CHN2: variants seen among roughly 807,000 people sequenced by gnomAD.
CHN2 encodes chimerin 2.
Under a neutral mutation model 56.3 loss-of-function variants are expected in CHN2, and 35 were observed. The ratio of observed to expected loss-of-function variants is 0.62; its 90% CI spans 0.47 to 0.82. The LOEUF (loss-of-function observed/expected upper bound fraction) is 0.82. Ranked by LOEUF, CHN2 falls within the 40% of genes least tolerant of loss-of-function variation. The probability of loss-of-function intolerance (pLI) is 0.00; values close to 1 mark genes in which losing one functional copy is unlikely to be tolerated. For missense variants in CHN2, 491 were observed against 580.5 expected, an observed-to-expected ratio of 0.85 and a Z score of 1.58; for synonymous variants, 210 against 212.8, an observed-to-expected ratio of 0.99 and a Z score of 0.12.
At chr7:29,460,385 C>G (rs1785076911) in intron 6 of CHN2, among the ~76,000 whole-genome samples, 1 of 152,178 alleles carries the variant, frequency 6.6e-6, no homozygotes, top group African/African-American at 2.4e-5. Context: ...CTTGCCATGC[C>G]CTGGATTCGT....
chr7:29,263,595 C>G (rs1789774695), intron 1 of CHN2, among the ~76,000 whole-genome samples: 1 of 151,916 alleles, frequency 6.6e-6, no homozygotes, highest in African/African-American at 2.4e-5. Context: ...GCGTCTCTGC[C>G]TCGCTGCCCA....
intron 1 of CHN2, among the ~76,000 whole-genome samples, chr7:29,215,823 T>C (rs1314142274): frequency 2.0e-5 from 3 of 152,096 alleles, no homozygotes; most frequent in East Asian, 3.8e-4. Flanking sequence ...AAGCGTTAGC[T>C]ACTATCTTTT....
At chr7:29,279,950 G>A (rs1467129188) in intron 1 of CHN2, among the ~76,000 whole-genome samples, 13 of 152,306 alleles carry the variant, frequency 8.5e-5, no homozygotes, top group African/African-American at 2.9e-4. Flanking sequence ...CTAGTAAGAG[G>A]CTGTTGTCAA....
intron 2 of CHN2, among the ~76,000 whole-genome samples, chr7:29,358,710 C>T (rs1247391393): frequency 8.6e-5 from 13 of 152,032 alleles, no homozygotes; most frequent in African/African-American, 3.1e-4. Flanking sequence ...GTGATCTGCC[C>T]GCCTCGGCCT....
intron 1 of CHN2, among the ~76,000 whole-genome samples, chr7:29,259,453 G>T (rs1390667701): frequency 6.6e-6 from 1 of 152,110 alleles, no homozygotes; most frequent in Non-Finnish European, 1.5e-5. Flanking sequence ...AAGAAGATTG[G>T]ATATTGGGTG....
At chr7:29,167,130 G>T (rs1006076005) in intron 2 of CHN2, among the ~76,000 whole-genome samples, 3 of 152,030 alleles carry the variant, frequency 2.0e-5, no homozygotes, top group African/African-American at 7.2e-5. Flanking sequence ...TCCCTACCTT[G>T]ATACACTCAA....
At chr7:29,271,345 G>A (rs755128519) in intron 1 of CHN2, among the ~76,000 whole-genome samples, 8 of 152,318 alleles carry the variant, frequency 5.3e-5, no homozygotes, top group Non-Finnish European at 1.0e-4. Flanking sequence ...ATGATTAAAC[G>A]TATTTTCACT....
At position 29,415,671 on chromosome 7, in the gene CHN2, A is replaced by G. The variant is rs75133234; in HGVS notation, c.576+14843A>G. Among the ~76,000 whole-genome samples, 7 of 152,268 alleles carry G rather than the reference A, an allele frequency of 4.6e-5. No individual in the cohort carries two copies. The East Asian group carries it at 1.4e-3, about 30-fold the overall frequency. ...TGGGCGGGCTTGGGAAGGGCCACAT[A>G]AAGTAGTCTCCAAAGTGTGGATCTT... On this transcript the variant is annotated intron_variant, in intron 6 of 12. Transcript: ENST00000222792.
intron 1 of CHN2, among the ~76,000 whole-genome samples, chr7:29,195,760 G>A (rs570108372): frequency 6.6e-6 from 1 of 152,060 alleles, no homozygotes; most frequent in Non-Finnish European, 1.5e-5. Context: ...GCAAAGGGAA[G>A]GCTTCTTTCA....
chr7:29,496,787 T>C (rs1789345244), intron 8 of CHN2, among the ~76,000 whole-genome samples: 1 of 152,250 alleles, frequency 6.6e-6, no homozygotes, highest in African/African-American at 2.4e-5. Flanking sequence ...TGATAAATGA[T>C]ACAAATTAAT....
chr7:29,149,972 T>G (rs528458971), intron 2 of CHN2, among the ~76,000 whole-genome samples: 4 of 152,242 alleles, frequency 2.6e-5, no homozygotes, highest in Non-Finnish European at 5.9e-5. Flanking sequence ...ACTTCACTGC[T>G]GCAATAGATA....
chr7:29,159,110 C>T (rs1333907717), intron 2 of CHN2, among the ~76,000 whole-genome samples: 1 of 152,172 alleles, frequency 6.6e-6, no homozygotes, highest in South Asian at 2.1e-4. Flanking sequence ...TCCTAATGGG[C>T]TACACAGCAC....
chr7:29,255,602 A>G (rs756723799), intron 1 of CHN2, among the ~76,000 whole-genome samples: 6 of 152,220 alleles, frequency 3.9e-5, no homozygotes, highest in Non-Finnish European at 7.3e-5. Context: ...GATACAGGCA[A>G]TGGGACAACT....
intron 1 of CHN2, among the ~76,000 whole-genome samples, chr7:29,335,433 A>G (rs1796542196): frequency 6.6e-6 from 1 of 152,238 alleles, no homozygotes; most frequent in Non-Finnish European, 1.5e-5. Flanking sequence ...GAAGCTGTGG[A>G]CATAGGAAGC....
At chr7:29,308,568 G>A (rs564383099) in intron 1 of CHN2, among the ~76,000 whole-genome samples, 28 of 152,178 alleles carry the variant, frequency 1.8e-4, no homozygotes, top group African/African-American at 6.7e-4. Context: ...GTGCCTTCTC[G>A]GAATCCTTAG....
intron 1 of CHN2, among the ~76,000 whole-genome samples, chr7:29,349,962 G>T (rs115661449): frequency 2.0e-5 from 3 of 152,146 alleles, no homozygotes; most frequent in Admixed American, 6.5e-5. Flanking sequence ...TGCAATGCGT[G>T]TGTGTGCACA....
rs1791750186 is a variant in CHN2 at position 29,513,735 on chromosome 7, A to T, written c.*1000A>T. The T allele has an allele frequency of 6.6e-6, 1 of 152,572 alleles. No homozygotes were observed. The highest frequency in any genetic ancestry group is 1.5e-5 in the Non-Finnish European group (1 of 67,980). The allele number at this position is 152,572 out of a possible 1,614,324, so 9.5% of individuals were successfully genotyped here. On this transcript the variant is annotated 3_prime_UTR_variant, in exon 13 of 13. Coordinates refer to ENST00000222792, the MANE Select transcript of CHN2 (RefSeq NM_004067.4). ...TGCAGAATAACTGTCAACGTTTTTC[A>T]TTCTTGTTTTACAAACCTATTTTTT...
chr7:29,483,878 C>T, intron 7 of CHN2: 1 of 1,302,590 alleles, frequency 7.7e-7, no homozygotes, highest in Non-Finnish European at 1.0e-6. Flanking sequence ...TTCCAAAGAG[C>T]TCAGCTCTCT....
upstream of CHN2, chr7:29,192,908 G>A (rs1783078122): frequency 4.6e-5 from 7 of 152,228 alleles, no homozygotes; most frequent in South Asian, 1.4e-3. Context: ...AGTCAAACAA[G>A]TAAGTGCTGT....
Sources: allele counts gnomAD v4.1 joint callset (sites outside exome capture counted in the v4.1 genomes callset), GRCh38; gene constraint gnomAD v4.1.1; transcripts MANE v1.5; gene names NCBI Gene and HGNC (gene_info 2026-07-23, HGNC 2026-07-21).